Variants in ENTPD5 observed in about 807,000 individuals in gnomAD.
ENTPD5 encodes the protein ectonucleoside triphosphate diphosphohydrolase 5 (inactive), also known as nucleoside diphosphate phosphatase ENTPD5.
ENTPD5 carries 49 observed loss-of-function variants against 60.2 expected under a neutral mutation model. The observed-to-expected ratio is 0.81, with a 90% CI of 0.65 to 1.03. ENTPD5 has a LOEUF of 1.03. Ranked by LOEUF, ENTPD5 falls within the 50% of genes least tolerant of loss-of-function variation. The pLI is 0.00. For missense variants in ENTPD5, 480 were observed against 507.6 expected (o/e 0.95, Z 0.52); for synonymous variants, 187 against 185.4 (o/e 1.01, Z -0.07).
At chr14:73,982,177 C>T (rs978734552) in intron 6 of ENTPD5, among the ~76,000 whole-genome samples, 3 of 152,084 alleles carry the variant, frequency 2.0e-5, no homozygotes, top group African/African-American at 7.2e-5. Flanking sequence ...TGGGTTGAAG[C>T]GATTCTCCTG....
At chr14:73,977,257 C>T in intron 7 of ENTPD5, 42 bp downstream of exon 7, 1 of 1,498,366 alleles carries the variant, frequency 6.7e-7, no homozygotes, top group Non-Finnish European at 9.3e-7. Context: ...TTCACTGATC[C>T]TGCCCCTCTC....
chr14:73,955,860 A>G (rs563933214), downstream of ENTPD5: 47 of 1,614,156 alleles, frequency 2.9e-5, no homozygotes, highest in South Asian at 5.1e-4. Context: ...AATTTAGATG[A>G]CATGGGCTAT....
chr14:73,971,987 A>G (rs2057247381), intron 13 of ENTPD5, 79 bp from the exon 14 acceptor site: 2 of 851,206 alleles, frequency 2.3e-6, no homozygotes, highest in Non-Finnish European at 4.1e-6. Flanking sequence ...CATTCATTAT[A>G]TACACATGTA....
intron 6 of ENTPD5, among the ~76,000 whole-genome samples, chr14:73,980,012 T>C (rs1420685913): frequency 6.7e-6 from 1 of 149,392 alleles, no homozygotes; most frequent in East Asian, 2.0e-4. Context: ...AATGGCACGA[T>C]CTTGGTTCAC....
At chr14:73,957,831 C>T (rs1347705961), downstream of ENTPD5, among the ~76,000 whole-genome samples, 1 of 152,148 alleles carries the variant, frequency 6.6e-6, no homozygotes, top group East Asian at 1.9e-4. Context: ...GTATTCCCAG[C>T]CTGTCTACTG....
chr14:73,976,385 G>C lies in ENTPD5; in HGVS notation c.581C>G (p.Thr194Ser). The C allele has an allele frequency of 1.9e-6, 3 of 1,614,148 alleles. No homozygotes were observed. The highest frequency in any genetic ancestry group is 2.5e-6 in the Non-Finnish European group (3 of 1,180,014). Reference sequence around the variant, plus strand: ...TCCCCCTAGGTCCAAGGTCCCCACAGTCTCCTGTCTGTGGCCATGCAGCTG... The same window carrying C: ...TCCCCCTAGGTCCAAGGTCCCCACACTCTCCTGTCTGTGGCCATGCAGCTG... ...TGQLHGHRQE[T>S]VGTLDLGGAS... Residue 194 changes from threonine (T) to serine (S), a missense_variant, in exon 9 of 16, where the codon ACT (threonine) becomes AGT (serine). Coordinates refer to ENST00000334696, the MANE Select transcript of ENTPD5 (RefSeq NM_001249.5).
At chr14:73,988,264 C>T in intron 3 of ENTPD5, 92 bp from the exon 4 acceptor site, 1 of 1,230,198 alleles carries the variant, frequency 8.1e-7, no homozygotes, top group Non-Finnish European at 1.1e-6. Flanking sequence ...CCAAGGTGTT[C>T]CTTCCCTATT....
At chr14:73,999,506 C>A (rs1354990235) in intron 3 of ENTPD5, among the ~76,000 whole-genome samples, 1 of 145,084 alleles carries the variant, frequency 6.9e-6, no homozygotes, top group Non-Finnish European at 1.5e-5. Context: ...CCAAAAAAAA[C>A]AAAGGTAGGC....
intron 2 of ENTPD5, among the ~76,000 whole-genome samples, chr14:74,013,232 C>A (rs1280926939): frequency 6.6e-6 from 1 of 152,156 alleles, no homozygotes; most frequent in Non-Finnish European, 1.5e-5. Flanking sequence ...TTAAACTACT[C>A]CCTATTTTAA....
intron 3 of ENTPD5, among the ~76,000 whole-genome samples, chr14:74,004,720 G>A (rs983505993): frequency 3.3e-5 from 5 of 152,086 alleles, no homozygotes; most frequent in Non-Finnish European, 5.9e-5. Flanking sequence ...ATAACCCAGT[G>A]GCTGGCTTCC....
At chr14:73,963,098 T>TA (rs1248910242), downstream of ENTPD5, 1 of 1,002,672 alleles carries the variant, frequency 1.0e-6, no homozygotes, top group Non-Finnish European at 1.6e-6. Flanking sequence ...TTAATAAACT[T>TA]ACTTTACATT....
chr14:73,955,779 T>C (rs200830081), downstream of ENTPD5: 9 of 1,614,114 alleles, frequency 5.6e-6, no homozygotes, highest in Admixed American at 1.7e-5. Flanking sequence ...TTGGTTTTAA[T>C]GCAGACTTTC....
Position 73,977,404 on chromosome 14 carries a change from A to G in ENTPD5, c.442-30T>C, listed in dbSNP as rs964914510. On this transcript the variant is annotated intron_variant, in intron 6 of 15. Coordinates refer to ENST00000334696, the MANE Select transcript of ENTPD5 (RefSeq NM_001249.5). The stretch of plus-strand genomic sequence containing the variant: ...AGAAAAAGGAAAAAAAAAAAAAAAG[A>G]ATTCCCTAAGGCAATAAAATAGATT... 16 of 1,231,858 alleles carry G rather than the reference A, an allele frequency of 1.3e-5. 1 individual carries two copies. Among genetic ancestry groups the G allele is most frequent in the Non-Finnish European group, 1.8e-5 (15 of 853,404 alleles). 76.3% of individuals were successfully genotyped at this position (1,231,858 alleles called of 1,614,324 possible).
intron 11 of ENTPD5, 62 bp downstream of exon 11, chr14:73,974,862 A>G: frequency 7.6e-7 from 1 of 1,322,248 alleles, no homozygotes; most frequent in Non-Finnish European, 1.1e-6. Flanking sequence ...GGAAGGGAAG[A>G]AGCAAGCGGA....
chr14:73,959,237 TCTGAC>T (rs780694613), downstream of ENTPD5: 3 of 1,614,258 alleles, frequency 1.9e-6, no homozygotes, highest in Non-Finnish European at 8.5e-7. Flanking sequence ...AAGAGGTCCT[TCTGAC>T]CAGTCCGCCC....
Position 73,986,808 on chromosome 14 carries a change from A to T in ENTPD5, c.297+6T>A. ...GAATCTAAACATCAAATCATAAGAA[A>T]CTCACCTGCTTAGGTTGATCTACAA... On this transcript the variant is annotated splice_donor_region_variant and intron_variant, in intron 5 of 15. Coordinates refer to ENST00000334696, the MANE Select transcript of ENTPD5 (RefSeq NM_001249.5). 1 of 1,608,872 alleles carries T rather than the reference A, an allele frequency of 6.2e-7. No homozygotes were observed. Among genetic ancestry groups the T allele is most frequent in the Non-Finnish European group, 8.5e-7 (1 of 1,175,638 alleles).
chr14:74,011,176 A>G (rs2058835346), intron 2 of ENTPD5, 26 bp from the exon 3 acceptor site: 1 of 696,182 alleles, frequency 1.4e-6, no homozygotes, highest in Non-Finnish European at 1.8e-6. Flanking sequence ...ATGAATAATT[A>G]TAAGAACAGT....
chr14:73,999,237 C>G (rs2140763964), intron 3 of ENTPD5, among the ~76,000 whole-genome samples: 1 of 152,242 alleles, frequency 6.6e-6, no homozygotes, highest in South Asian at 2.1e-4. Context: ...CCTGTAATCC[C>G]AGCACTTTGG....
Position 74,016,652 on chromosome 14 carries a change from C to T in ENTPD5, c.-237-722G>A, listed in dbSNP as rs1490646237. On this transcript the variant is annotated intron_variant, in intron 1 of 15. Transcript: ENST00000334696. ...CTATCTCAAAAAAACCATCAAAAAA[C>T]CCAAAAACCAATAAAAGAAACTATA... 9.2e-5 allele frequency among the ~76,000 whole-genome samples: 14 copies of T among 152,172 alleles called. No individual in the cohort carries two copies. In the South Asian group the frequency reaches 2.5e-3, roughly 27 times the overall value.
Sources: allele counts gnomAD v4.1 joint callset (sites outside exome capture counted in the v4.1 genomes callset), GRCh38; gene constraint gnomAD v4.1.1; transcripts MANE v1.5; gene names NCBI Gene and HGNC (gene_info 2026-07-23, HGNC 2026-07-21).